The following BMP5 variants were observed in gnomAD, a reference collection of about 807,000 sequenced individuals.
BMP5 encodes the protein bone morphogenetic protein 5.
BMP5 carries 23 observed loss-of-function variants against 46.6 expected under a neutral mutation model. The observed-to-expected ratio is 0.49, with a 90% CI of 0.35 to 0.70. BMP5 has a LOEUF of 0.70. BMP5 is among the 30% of genes least tolerant of loss of function. The pLI is 0.00. For missense variants in BMP5, 545 were observed against 565.6 expected, an observed-to-expected ratio of 0.96 and a Z score of 0.37; for synonymous variants, 204 against 191.9, an observed-to-expected ratio of 1.06 and a Z score of -0.52.
intron 4 of BMP5, among the ~76,000 whole-genome samples, chr6:55,769,646 A>G (rs1582049588): frequency 6.6e-6 from 1 of 152,082 alleles, no homozygotes; most frequent in East Asian, 1.9e-4. Flanking sequence ...GGAATCTAGA[A>G]TGGTGAATCC....
At chr6:55,762,951 A>G (rs988539712) in intron 4 of BMP5, among the ~76,000 whole-genome samples, 2 of 152,126 alleles carry the variant, frequency 1.3e-5, no homozygotes, top group African/African-American at 4.8e-5. Context: ...AAAACTACCT[A>G]TGGATACTAA....
chr6:55,793,692 G>A (rs1775629060), intron 3 of BMP5, among the ~76,000 whole-genome samples: 1 of 152,144 alleles, frequency 6.6e-6, no homozygotes, highest in Admixed American at 6.5e-5. Context: ...TGGAGCAGTA[G>A]TCTTTGATCA....
chr6:55,825,199 C>A (rs942603352), intron 1 of BMP5, among the ~76,000 whole-genome samples: 1 of 151,698 alleles, frequency 6.6e-6, no homozygotes, highest in Admixed American at 6.6e-5. Flanking sequence ...ATTTTACCAC[C>A]CAAATCACAA....
intron 1 of BMP5, among the ~76,000 whole-genome samples, chr6:55,864,257 C>T (rs949367245): frequency 6.6e-6 from 1 of 152,140 alleles, no homozygotes; most frequent in Non-Finnish European, 1.5e-5. Context: ...TATGTCCTCT[C>T]CTAAGCTCAT....
chr6:55,772,520 T>C (rs527844382), intron 4 of BMP5, among the ~76,000 whole-genome samples: 1 of 152,076 alleles, frequency 6.6e-6, no homozygotes, highest in South Asian at 2.1e-4. Context: ...CTTAGAACCA[T>C]TCTACATGAA....
chr6:55,826,934 T>C (rs762786457), intron 1 of BMP5, among the ~76,000 whole-genome samples: 13 of 151,780 alleles, frequency 8.6e-5, no homozygotes, highest in Admixed American at 8.6e-4. Context: ...TTTCAACTAA[T>C]AACAACTGCT....
chr6:55,783,565 A>G (rs539084877), intron 3 of BMP5, among the ~76,000 whole-genome samples: 4 of 152,182 alleles, frequency 2.6e-5, no homozygotes, highest in East Asian at 1.9e-4. Context: ...GTTTTGCAAT[A>G]TATCTTTGAG....
chr6:55,760,257 T>A (rs1250703947), intron 5 of BMP5, among the ~76,000 whole-genome samples, 200 bp downstream of exon 5: 1 of 152,032 alleles, frequency 6.6e-6, no homozygotes, highest in Admixed American at 6.6e-5. Flanking sequence ...TTTTTTTGTT[T>A]GACTGTGATA....
chr6:55,830,355 T>C (rs1776635801), intron 1 of BMP5, among the ~76,000 whole-genome samples: 1 of 152,048 alleles, frequency 6.6e-6, no homozygotes, highest in Non-Finnish European at 1.5e-5. Context: ...AGTATTCACA[T>C]GAACAGTCTC....
At chr6:55,783,570 T>C (rs919467822) in intron 3 of BMP5, among the ~76,000 whole-genome samples, 2 of 151,922 alleles carry the variant, frequency 1.3e-5, no homozygotes, top group African/African-American at 4.8e-5. Context: ...GCAATATATC[T>C]TTGAGAGATA....
intron 1 of BMP5, among the ~76,000 whole-genome samples, chr6:55,831,459 A>T (rs1776662240): frequency 6.6e-6 from 1 of 152,096 alleles, no homozygotes; most frequent in Non-Finnish European, 1.5e-5. Context: ...GGCTAAAAGA[A>T]ATTATTGCAT....
chr6:55,778,234 T>A (rs978517105), intron 3 of BMP5, among the ~76,000 whole-genome samples: 23 of 152,090 alleles, frequency 1.5e-4, no homozygotes, highest in African/African-American at 5.3e-4. Flanking sequence ...GGATGTGATC[T>A]GCTAAATGGA....
chr6:55,810,808 G>A (rs1335612574), intron 2 of BMP5, among the ~76,000 whole-genome samples: 1 of 152,180 alleles, frequency 6.6e-6, no homozygotes, highest in Non-Finnish European at 1.5e-5. Context: ...CAGAGGAGCT[G>A]TCCTGTCCAT....
At chr6:55,831,081 A>G (rs752074286) in intron 1 of BMP5, among the ~76,000 whole-genome samples, 22 of 152,114 alleles carry the variant, frequency 1.4e-4, no homozygotes, top group Non-Finnish European at 2.2e-4. Context: ...TTCACCCTGA[A>G]TGCTAAATTC....
At chr6:55,858,105 A>G (rs1301711735) in intron 1 of BMP5, among the ~76,000 whole-genome samples, 1 of 152,208 alleles carries the variant, frequency 6.6e-6, no homozygotes, top group African/African-American at 2.4e-5. Context: ...CTTTGCTCAT[A>G]TATACTTGAG....
intron 1 of BMP5, among the ~76,000 whole-genome samples, chr6:55,834,615 G>A (rs1027511976): frequency 2.6e-5 from 4 of 151,906 alleles, no homozygotes; most frequent in Admixed American, 6.6e-5. Context: ...TTTTCATATG[G>A]CAGATACTAT....
At chr6:55,825,598 T>A (rs1326743840) in intron 1 of BMP5, among the ~76,000 whole-genome samples, 1 of 151,800 alleles carries the variant, frequency 6.6e-6, no homozygotes, top group African/African-American at 2.4e-5. Context: ...TAATGACTGA[T>A]AGAAGTTGTT....
At chr6:55,855,867 T>C (rs748074028) in intron 1 of BMP5, among the ~76,000 whole-genome samples, 5 of 152,220 alleles carry the variant, frequency 3.3e-5, no homozygotes, top group Non-Finnish European at 5.9e-5. Flanking sequence ...ATAGCTCTTT[T>C]ATATATTTTA....
chr6:55,786,208 C>A (rs1237207663), intron 3 of BMP5, among the ~76,000 whole-genome samples: 1 of 151,740 alleles, frequency 6.6e-6, no homozygotes, highest in Non-Finnish European at 1.5e-5. Flanking sequence ...CAATGCATTT[C>A]CATTCACTGT....
Sources: allele counts gnomAD v4.1 joint callset (sites outside exome capture counted in the v4.1 genomes callset), GRCh38; gene constraint gnomAD v4.1.1; transcripts MANE v1.5; gene names NCBI Gene and HGNC (gene_info 2026-07-23, HGNC 2026-07-21).